The following ARRB2 variants were observed in gnomAD, a reference collection of about 807,000 sequenced individuals.
ARRB2 encodes the protein arrestin beta 2.
Under a neutral mutation model 53.4 loss-of-function variants are expected in ARRB2, and 21 were observed. That is an observed-to-expected ratio of 0.39 (90% confidence interval 0.28 to 0.57). The LOEUF (loss-of-function observed/expected upper bound fraction) is 0.57. Ranked by LOEUF, ARRB2 falls within the 20% of genes least tolerant of loss-of-function variation. The probability of loss-of-function intolerance (pLI) is 0.55; values close to 1 mark genes in which losing one functional copy is unlikely to be tolerated. For synonymous variants in ARRB2, 180 were observed against 212.9 expected (o/e 0.85, Z 1.34); for missense variants, 369 against 527.5 (o/e 0.70, Z 2.94).
Position 4,721,067 on chromosome 17 carries a change from T to TG in ARRB2, c.*32dup. On this transcript the variant is annotated 3_prime_UTR_variant, in exon 15 of 15. Transcript: ENST00000269260. This position sits in a 1 kb window ranked among gnomAD's most constrained non-coding sequence, Gnocchi z 4.2. ...AGCGGGGTGGGAAGAAGGGAGGGGA[T>TG]GGGGTTGGGAGAGGTGAGGGCAGGA... is the stretch of plus-strand genomic sequence containing the variant. 1 of 1,547,788 alleles carries TG rather than the reference T, an allele frequency of 6.5e-7. No individual in the cohort carries two copies. The highest frequency in any genetic ancestry group is 8.9e-7 in the Non-Finnish European group (1 of 1,120,064).
chr17:4,713,487 C>T (rs1203568009), intron 1 of ARRB2, among the ~76,000 whole-genome samples: 4 of 152,008 alleles, frequency 2.6e-5, no homozygotes, highest in African/African-American at 7.2e-5. Flanking sequence ...CAAAATTCGC[C>T]GGGCGTGGTG....
intron 12 of ARRB2, 29 bp from the exon 13 acceptor site, chr17:4,720,364 C>T: frequency 6.2e-7 from 1 of 1,613,712 alleles, no homozygotes; most frequent in Non-Finnish European, 8.5e-7. Context: ...TGTCGTCGTC[C>T]TCTTCACGAT....
chr17:4,720,815 TA>T, intron 14 of ARRB2, 130 bp from the exon 15 acceptor site: 1 of 1,087,122 alleles, frequency 9.2e-7, no homozygotes, highest in South Asian at 1.5e-5. Flanking sequence ...TCCCTTCCTG[TA>T]AATACCTCTG....
chr17:4,720,756 A>C (rs1263801667), intron 14 of ARRB2, 116 bp downstream of exon 14: 3 of 1,109,868 alleles, frequency 2.7e-6, no homozygotes, highest in Non-Finnish European at 3.8e-6. Flanking sequence ...GTAGCATCAA[A>C]TCAAGATGCC....
chr17:4,718,942 C>T (rs7218873), intron 10 of ARRB2, among the ~76,000 whole-genome samples: 1,739 of 152,190 alleles, frequency 0.011, 36 homozygotes, highest in African/African-American at 0.038. Flanking sequence ...CCACCATACC[C>T]GGCTTATTTT....
Position 4,717,300 on chromosome 17 carries a change from G to C in ARRB2, c.417+24G>C. On this transcript the variant is annotated intron_variant, in intron 6 of 14. Coordinates refer to ENST00000269260, the MANE Select transcript of ARRB2 (RefSeq NM_004313.4). This position sits in a 1 kb window ranked among gnomAD's most constrained non-coding sequence, Gnocchi z 6.0. ...AGGTACGGGAGGAACAGCTCTGAGG[G>C]CTCCTAGGGCAGGACATGGGCCAGC... 6.2e-7 allele frequency: 1 copy of C among 1,613,386 alleles called. No individual in the cohort carries two copies. The highest frequency in any genetic ancestry group is 8.5e-7 in the Non-Finnish European group (1 of 1,179,334).
intron 1 of ARRB2, 112 bp downstream of exon 1, chr17:4,710,856 C>T (rs1323877841): frequency 5.0e-6 from 2 of 396,818 alleles, no homozygotes; most frequent in Middle Eastern, 6.2e-4. Flanking sequence ...ACGCCTGGGT[C>T]CCTAGGGACA....
chr17:4,717,109 C>G lies in ARRB2; in HGVS notation c.358-108C>G, dbSNP rs1392277899. 1.6e-6 allele frequency: 2 copies of G among 1,271,674 alleles called. No individual in the cohort carries two copies. The highest frequency in any genetic ancestry group is 1.5e-5 in the African/African-American group (1 of 68,300). 78.8% of individuals were successfully genotyped at this position (1,271,674 alleles called of 1,614,324 possible). ...TTAGCCTTCCAAAGTGTTGGGATTA[C>G]AGGCATGAGCCACCACACCCAGCGT... On this transcript the variant is annotated intron_variant, in intron 5 of 14. Coordinates refer to ENST00000269260, the MANE Select transcript of ARRB2 (RefSeq NM_004313.4). The surrounding 1 kb of genome is among the most constrained non-coding windows in gnomAD (Gnocchi z 6.0).
chr17:4,715,461 G>A (rs1266011491), intron 2 of ARRB2: 4 of 256,040 alleles, frequency 1.6e-5, no homozygotes, highest in Admixed American at 5.5e-5. Flanking sequence ...AGTTCTCCCC[G>A]AGGATCCAAA....
chr17:4,713,074 A>C (rs1301426207), intron 1 of ARRB2, among the ~76,000 whole-genome samples: 1 of 152,234 alleles, frequency 6.6e-6, no homozygotes, highest in Non-Finnish European at 1.5e-5. Context: ...CTGCAACCTA[A>C]GGCCGGGCAC....
chr17:4,720,364 C>G (rs1258693625), intron 12 of ARRB2, 29 bp from the exon 13 acceptor site: 1 of 1,613,712 alleles, frequency 6.2e-7, no homozygotes, highest in Admixed American at 1.7e-5. Flanking sequence ...TGTCGTCGTC[C>G]TCTTCACGAT....
intron 11 of ARRB2, among the ~76,000 whole-genome samples, 193 bp from the exon 12 acceptor site, chr17:4,720,023 C>T (rs35577485): frequency 0.012 from 1,760 of 152,262 alleles, 37 homozygotes; most frequent in African/African-American, 0.039. Flanking sequence ...TCAGCTTTTC[C>T]TGGAGAGGAG....
intron 12 of ARRB2, 21 bp from the exon 13 acceptor site, chr17:4,720,372 G>A (rs770565498): frequency 1.3e-5 from 21 of 1,613,592 alleles, no homozygotes; most frequent in Admixed American, 1.7e-5. Flanking sequence ...TCCTCTTCAC[G>A]ATGCCTCTCC....
chr17:4,714,093 C>T (rs869100734), intron 1 of ARRB2, among the ~76,000 whole-genome samples: 1 of 151,948 alleles, frequency 6.6e-6, no homozygotes, highest in African/African-American at 2.4e-5. Flanking sequence ...CTGGAGATGC[C>T]TAAATTAATA....
In ARRB2 at chr17:4,716,528, A is replaced by ACCCCCCCCCCCCCCCCCC; in HGVS notation, c.277_278insCCCCCCCCCCCCCCCCCC (p.Asn93delinsThrProProProProProHis). The ACCCCCCCCCCCCCCCCCC allele has an allele frequency of 3.9e-6, 4 of 1,015,042 alleles. No individual in the cohort carries two copies. Among genetic ancestry groups the ACCCCCCCCCCCCCCCCCC allele is most frequent in the Non-Finnish European group, 4.1e-6 (3 of 726,600 alleles). 62.9% of individuals were successfully genotyped at this position (1,015,042 alleles called of 1,614,324 possible). A position where few individuals can be genotyped will look rare whatever the true frequency, so the allele number is the denominator to read the frequency against. On this transcript the variant is annotated protein_altering_variant, in exon 5 of 15. Coordinates refer to ENST00000269260, the MANE Select transcript of ARRB2 (RefSeq NM_004313.4). The stretch of plus-strand genomic sequence containing the variant: ...CTACCAGGCCTTCCCCCCGGTGCCC[A>ACCCCCCCCCCCCCCCCCC]ACCCACCCCGGCCCCCCACCCGCCT...
At chr17:4,718,563 G>A (rs1915323198) in intron 9 of ARRB2, 49 bp from the exon 10 acceptor site, 5 of 1,582,758 alleles carry the variant, frequency 3.2e-6, no homozygotes, top group South Asian at 1.1e-5. Flanking sequence ...GTGGTGTGGT[G>A]GTGGCTTGTG....
Position 4,716,431 on chromosome 17 carries a change from C to T in ARRB2, c.180C>T (p.Cys60=), listed in dbSNP as rs1434831347. 7.4e-6 allele frequency: 12 copies of T among 1,614,044 alleles called. No individual in the cohort carries two copies. The highest frequency in any genetic ancestry group is 1.1e-5 in the South Asian group (1 of 91,094). The part of the protein sequence containing the change: ...KDRKVFVTLT[C]AFRYGREDLD... ...TGCCAGTGTTTGTGACCCTCACCTG[C>T]GCCTTCCGCTATGGCCGTGAAGACC... is the stretch of plus-strand genomic sequence containing the variant. Residue 60 remains cysteine, a synonymous_variant, in exon 5 of 15, where the codon TGC becomes TGT. Coordinates refer to ENST00000269260, the MANE Select transcript of ARRB2 (RefSeq NM_004313.4).
In ARRB2 at chr17:4,721,123, C is replaced by T; in HGVS notation, c.*84C>T. Reference sequence around the variant, plus strand: ...ATCCCCACTGTCAATGGGGGATTGTCCCAGCCCCTCTTCCCTTCCCCTCAC... The same window carrying T: ...ATCCCCACTGTCAATGGGGGATTGTTCCAGCCCCTCTTCCCTTCCCCTCAC... On this transcript the variant is annotated 3_prime_UTR_variant, in exon 15 of 15. Coordinates refer to ENST00000269260, the MANE Select transcript of ARRB2 (RefSeq NM_004313.4). The surrounding 1 kb of genome is among the most constrained non-coding windows in gnomAD (Gnocchi z 4.2). 7.3e-7 allele frequency: 1 copy of T among 1,367,108 alleles called. No homozygotes were observed. Among genetic ancestry groups the T allele is most frequent in the Non-Finnish European group, 1.0e-6 (1 of 970,076 alleles). 84.7% of individuals were successfully genotyped at this position (1,367,108 alleles called of 1,614,324 possible).
At chr17:4,715,166 G>A (rs1200292087) in intron 2 of ARRB2, 123 bp downstream of exon 2, 3 of 1,165,480 alleles carry the variant, frequency 2.6e-6, no homozygotes, top group Non-Finnish European at 3.6e-6. Context: ...CACTTCCTGT[G>A]ACAGCTAAGC....
Sources: gnomAD v4.1 joint callset for allele counts (sites outside exome capture counted in the v4.1 genomes callset) on GRCh38, gnomAD v4.1.1 for gene constraint, Gnocchi (gnomAD v3.1) non-coding constraint, MANE v1.5 for transcripts, NCBI Gene and HGNC (gene_info 2026-07-23, HGNC 2026-07-21) for gene names.